The following DPP6 variants were observed in gnomAD, a reference collection of about 807,000 sequenced individuals.
The protein encoded by DPP6 is dipeptidyl peptidase like 6, also known as A-type potassium channel modulatory protein DPP6.
Under a neutral mutation model 122.6 loss-of-function variants are expected in DPP6, and 69 were observed. The ratio of observed to expected loss-of-function variants is 0.56; its 90% CI spans 0.46 to 0.69. The LOEUF (loss-of-function observed/expected upper bound fraction) is 0.69. Among genes scored for constraint, DPP6 ranks in the 30% least tolerant of loss-of-function variants. The pLI is 0.00. For synonymous variants in DPP6, 418 were observed against 433.1 expected (o/e 0.97, Z 0.43); for missense variants, 928 against 1,116.9 (o/e 0.83, Z 2.41).
intron 1 of DPP6, among the ~76,000 whole-genome samples, chr7:154,440,249 C>T (rs1243368290): frequency 6.6e-6 from 1 of 152,236 alleles, no homozygotes; most frequent in Non-Finnish European, 1.5e-5. Flanking sequence ...GAAAGGGCTG[C>T]TCAGCTGCCC....
intron 10 of DPP6, among the ~76,000 whole-genome samples, chr7:154,777,280 GT>G (rs1464655762): frequency 3.0e-4 from 45 of 152,326 alleles, no homozygotes; most frequent in African/African-American, 1.1e-3. Context: ...CCCTTGTGGG[GT>G]GAGTGGGAAG....
At chr7:154,117,901 G>A (rs1807115050) in intron 1 of DPP6, among the ~76,000 whole-genome samples, 1 of 152,126 alleles carries the variant, frequency 6.6e-6, no homozygotes. Context: ...GTAGGACCCA[G>A]TACCATGAGA....
Position 154,323,481 on chromosome 7 carries a change from G to A in DPP6, c.244-122733G>A, listed in dbSNP as rs115971806. On this transcript the variant is annotated intron_variant, in intron 1 of 25. Coordinates refer to ENST00000377770, the MANE Select transcript of DPP6 (RefSeq NM_130797.4). Reference sequence around the variant, plus strand: ...TCCGACCTTGATGACAGATGATTTCGTCAAGCTCTCCACAAAAGGTACATG... The same window carrying A: ...TCCGACCTTGATGACAGATGATTTCATCAAGCTCTCCACAAAAGGTACATG... Among the ~76,000 whole-genome samples, 412 of 152,230 alleles carry A rather than the reference G, an allele frequency of 2.7e-3. 2 individuals are homozygous for A. Among genetic ancestry groups the A allele is most frequent in the African/African-American group, 9.4e-3 (390 of 41,532 alleles).
chr7:154,876,470 A>T (rs892051127), intron 20 of DPP6: 3 of 185,372 alleles, frequency 1.6e-5, no homozygotes, highest in Non-Finnish European at 3.3e-5. Context: ...GGAAGGAAGG[A>T]CAGAAAAAGG....
intron 1 of DPP6, among the ~76,000 whole-genome samples, chr7:154,173,638 G>C (rs552642168): frequency 1.6e-4 from 24 of 152,160 alleles, no homozygotes; most frequent in African/African-American, 5.8e-4. Flanking sequence ...CTTTGCTGCT[G>C]ACCAGCTGTG....
rs1452513160 is a variant in DPP6, at chr7:154,857,756, G to C, written c.1714+3929G>C. On this transcript the variant is annotated intron_variant, in intron 17 of 25. Coordinates refer to ENST00000377770, the MANE Select transcript of DPP6 (RefSeq NM_130797.4). ...CTCGTGGCCTCTGCAGTGGATGAAG[G>C]GTCCACAGCATGTGGTTTGCGGGGG... Among the ~76,000 whole-genome samples the C allele has an allele frequency of 2.6e-5, 4 of 152,274 alleles. No homozygotes were observed. The East Asian group carries it at 7.7e-4, about 29-fold the overall frequency.
intron 1 of DPP6, among the ~76,000 whole-genome samples, chr7:154,223,231 C>T (rs1800407734): frequency 1.3e-5 from 2 of 149,324 alleles, no homozygotes; most frequent in African/African-American, 2.6e-5. Context: ...AGCAGAAGCT[C>T]AGCACCAGGG....
chr7:154,566,841 G>T lies in DPP6; in HGVS notation c.553-1G>T. The stretch of plus-strand genomic sequence containing the variant: ...AATTCTTTGTCTATTTTTTCTTTTA[G>T]GAATCATTAAGAGCCATCAGATATG... On this transcript the variant is annotated splice_acceptor_variant, in intron 4 of 25. Transcript: ENST00000377770. LOFTEE classifies it high-confidence loss of function. 1 of 1,552,356 alleles carries T rather than the reference G, an allele frequency of 6.4e-7. No homozygotes were observed. The highest frequency in any genetic ancestry group is 1.2e-5 in the South Asian group (1 of 85,540).
At chr7:153,864,458 C>T in the DPP6 span, among the ~76,000 whole-genome samples, 2 of 151,992 alleles carry the variant, frequency 1.3e-5, no homozygotes, top group African/African-American at 4.8e-5. Flanking sequence ...AGTTCAAGAC[C>T]AGACTGGCCA....
At chr7:153,832,652 C>A in the DPP6 span, among the ~76,000 whole-genome samples, 20 of 151,780 alleles carry the variant, frequency 1.3e-4, no homozygotes, top group South Asian at 3.3e-3. Flanking sequence ...GTCAAGAATG[C>A]GTGACCCAGA....
intron 7 of DPP6, among the ~76,000 whole-genome samples, chr7:154,699,989 AC>A (rs1404663180): frequency 6.6e-6 from 1 of 152,200 alleles, no homozygotes; most frequent in African/African-American, 2.4e-5. Context: ...CTCCTTCAGC[AC>A]CCTAGGTAAC....
intron 6 of DPP6, among the ~76,000 whole-genome samples, chr7:154,648,284 C>T (rs1051372663): frequency 2.0e-5 from 3 of 151,230 alleles, no homozygotes; most frequent in Non-Finnish European, 4.4e-5. Context: ...AAAAAAAAAT[C>T]ACTGAGCCCC....
chr7:154,521,014 C>T (rs991611548), intron 3 of DPP6, among the ~76,000 whole-genome samples: 1 of 152,156 alleles, frequency 6.6e-6, no homozygotes, highest in African/African-American at 2.4e-5. Context: ...TTCAGTAATA[C>T]TTGTTATTGA....
chr7:154,526,376 A>T (rs1304121076), intron 3 of DPP6, among the ~76,000 whole-genome samples: 1 of 152,182 alleles, frequency 6.6e-6, no homozygotes, highest in Non-Finnish European at 1.5e-5. Context: ...AAACTAAGAC[A>T]TTCCAAATGA....
chr7:154,863,211 TG>T lies in DPP6; in HGVS notation c.1715-4783del, dbSNP rs1467620086. ...GCCACCGCACCCGAACCCTTTCCTT[TG>T]TCTTTTCTATTTTGTTCATAAAGCA... is the stretch of plus-strand genomic sequence containing the variant. On this transcript the variant is annotated intron_variant, in intron 17 of 25. Transcript: ENST00000377770. This position sits in a 1 kb window ranked among gnomAD's most constrained non-coding sequence, Gnocchi z 4.1. Among the ~76,000 whole-genome samples the T allele has an allele frequency of 6.6e-6, 1 of 152,206 alleles. No individual in the cohort carries two copies. Among genetic ancestry groups the T allele is most frequent in the Non-Finnish European group, 1.5e-5 (1 of 68,036 alleles).
chr7:153,768,001 A>T, the DPP6 span, among the ~76,000 whole-genome samples: 2 of 152,082 alleles, frequency 1.3e-5, no homozygotes, highest in Non-Finnish European at 2.9e-5. Context: ...CTGAAATAGA[A>T]GGCTCACTGT....
At chr7:153,962,603 CAA>C (rs1795408426) in intron 1 of DPP6, among the ~76,000 whole-genome samples, 1 of 152,148 alleles carries the variant, frequency 6.6e-6, no homozygotes, top group Admixed American at 6.5e-5. Context: ...AACTTCCTAA[CAA>C]ACGTTTCTAG....
Position 154,075,454 on chromosome 7 carries a change from C to T in DPP6, c.243+22391C>T, listed in dbSNP as rs1244448951. Among the ~76,000 whole-genome samples the T allele has an allele frequency of 2.0e-5, 3 of 151,990 alleles. No homozygotes were observed. The South Asian group carries it at 6.2e-4, about 32-fold the overall frequency. ...AGAGAAAGAAAATGTGGTATATATA[C>T]ACCATGGAATACTACTCAGCCATAA... On this transcript the variant is annotated intron_variant, in intron 1 of 25. Coordinates refer to ENST00000377770, the MANE Select transcript of DPP6 (RefSeq NM_130797.4).
chr7:154,141,124 G>A (rs1309932677), intron 1 of DPP6, among the ~76,000 whole-genome samples: 3 of 152,208 alleles, frequency 2.0e-5, no homozygotes, highest in East Asian at 1.9e-4. Flanking sequence ...AAGCTCTCAC[G>A]TTTGGAGAAG....
Sources: gnomAD v4.1 joint callset for allele counts (sites outside exome capture counted in the v4.1 genomes callset) on GRCh38, gnomAD v4.1.1 for gene constraint, Gnocchi (gnomAD v3.1) non-coding constraint, MANE v1.5 for transcripts, NCBI Gene and HGNC (gene_info 2026-07-23, HGNC 2026-07-21) for gene names.